The following PKP2 variants were observed in gnomAD, a reference collection of about 807,000 sequenced individuals.
PKP2 encodes the protein plakophilin 2, also known as plakophilin-2.
In PKP2, 73 loss-of-function variants were observed where a neutral mutation model predicts 83.4. The observed-to-expected ratio is 0.88, with a 90% CI of 0.72 to 1.06. The LOEUF (loss-of-function observed/expected upper bound fraction) is 1.06. Among genes scored for constraint, PKP2 ranks in the 50% least tolerant of loss-of-function variants. The probability of loss-of-function intolerance (pLI) is 0.00; values close to 1 mark genes in which losing one functional copy is unlikely to be tolerated. For synonymous variants in PKP2, 409 were observed against 430.4 expected, an observed-to-expected ratio of 0.95 and a Z score of 0.62; for missense variants, 966 against 1,065.4, an observed-to-expected ratio of 0.91 and a Z score of 1.30.
intron 4 of PKP2, among the ~76,000 whole-genome samples, chr12:32,864,042 A>G (rs1262503684): frequency 1.3e-5 from 2 of 152,192 alleles, no homozygotes; most frequent in Non-Finnish European, 2.9e-5. Flanking sequence ...AAAATTAAAA[A>G]CCATAAAAAT....
At chr12:32,836,906 A>C (rs1195710069) in intron 6 of PKP2, among the ~76,000 whole-genome samples, 2 of 152,110 alleles carry the variant, frequency 1.3e-5, no homozygotes, top group Non-Finnish European at 2.9e-5. Flanking sequence ...CTTTTCTTAC[A>C]TTCTGACTCA....
At chr12:32,848,318 G>C (rs921397776) in intron 5 of PKP2, among the ~76,000 whole-genome samples, 1 of 152,134 alleles carries the variant, frequency 6.6e-6, no homozygotes, top group Non-Finnish European at 1.5e-5. Flanking sequence ...CAGCTACTTG[G>C]GAGACTGAGG....
intron 9 of PKP2, among the ~76,000 whole-genome samples, chr12:32,806,590 T>G (rs1956227850): frequency 6.6e-6 from 1 of 152,224 alleles, no homozygotes; most frequent in Non-Finnish European, 1.5e-5. Flanking sequence ...TTGTGTTATT[T>G]GATTCTTCTC....
intron 9 of PKP2, among the ~76,000 whole-genome samples, chr12:32,809,366 C>G (rs73301775): frequency 0.015 from 2,325 of 152,324 alleles, 55 homozygotes; most frequent in African/African-American, 0.053. Context: ...CCCAGACTCT[C>G]TGGAGCTGGC....
intron 10 of PKP2, among the ~76,000 whole-genome samples, chr12:32,797,361 G>A (rs915767608): frequency 6.8e-6 from 1 of 146,620 alleles, no homozygotes; most frequent in Non-Finnish European, 1.5e-5. Context: ...CACAAGAATT[G>A]CTTGAGCTTG....
At chr12:32,857,005 G>T (rs1307038818) in intron 4 of PKP2, among the ~76,000 whole-genome samples, 2 of 152,208 alleles carry the variant, frequency 1.3e-5, no homozygotes, top group Non-Finnish European at 1.5e-5. Context: ...TGTAATTAGG[G>T]TGCTGGGATT....
At chr12:32,862,903 T>C (rs1261274642) in intron 4 of PKP2, among the ~76,000 whole-genome samples, 1 of 149,318 alleles carries the variant, frequency 6.7e-6, no homozygotes, top group Non-Finnish European at 1.5e-5. Flanking sequence ...GGAGGTTGAG[T>C]CAGGAGAATT....
At chr12:32,890,153 G>C (rs530379399) in intron 1 of PKP2, among the ~76,000 whole-genome samples, 75 of 148,014 alleles carry the variant, frequency 5.1e-4, no homozygotes, top group Non-Finnish European at 1.0e-3. Flanking sequence ...AATAATATAT[G>C]TTTACTATCA....
intron 12 of PKP2, 70 bp downstream of exon 12, chr12:32,792,574 G>C: frequency 6.5e-7 from 1 of 1,549,382 alleles, no homozygotes; most frequent in South Asian, 1.1e-5. Flanking sequence ...TTTCTTCCCA[G>C]GGTCAAGTCA....
chr12:32,878,588 T>A (rs776258258), intron 2 of PKP2, 45 bp from the exon 3 acceptor site: 18 of 1,496,760 alleles, frequency 1.2e-5, no homozygotes, highest in Non-Finnish European at 1.7e-5. Flanking sequence ...TAAATCAAAT[T>A]TCAACTTTGC....
At chr12:32,895,320 G>A (rs1050219079) in intron 1 of PKP2, among the ~76,000 whole-genome samples, 33 of 151,966 alleles carry the variant, frequency 2.2e-4, no homozygotes, top group African/African-American at 7.7e-4. Context: ...TGTTAATATT[G>A]ACTACGTCAT....
intron 9 of PKP2, among the ~76,000 whole-genome samples, chr12:32,813,208 C>A (rs1013113768): frequency 2.0e-5 from 3 of 152,018 alleles, no homozygotes; most frequent in Admixed American, 2.0e-4. Context: ...CAAAACAAAA[C>A]CCCCAAACAA....
At chr12:32,846,569 A>C (rs1259787228) in intron 5 of PKP2, among the ~76,000 whole-genome samples, 1 of 151,712 alleles carries the variant, frequency 6.6e-6, no homozygotes, top group African/African-American at 2.4e-5. Flanking sequence ...ACATGGAGAA[A>C]CCTCCATCTC....
Position 32,896,497 on chromosome 12 carries a change from G to A in PKP2, c.223+12C>T, listed in dbSNP as rs754250907. On this transcript the variant is annotated intron_variant, in intron 1 of 12. Coordinates refer to ENST00000340811, the MANE Select transcript of PKP2 (RefSeq NM_001005242.3). ...CAGGGGGCGGCGCCGGGGAGCGGCGGGCTCCACTCACCGTTGCCCACGGAG... is the reference window on the plus strand; with the variant it reads ...CAGGGGGCGGCGCCGGGGAGCGGCGAGCTCCACTCACCGTTGCCCACGGAG... The A allele has an allele frequency of 2.7e-6, 4 of 1,476,156 alleles. No individual in the cohort carries two copies. The highest frequency in any genetic ancestry group is 3.6e-6 in the Non-Finnish European group (4 of 1,111,450). The allele number at this position is 1,476,156 out of a possible 1,614,324, so 91.4% of individuals were successfully genotyped here.
chr12:32,894,138 G>A (rs1451687071), intron 1 of PKP2: 1 of 152,046 alleles, frequency 6.6e-6, no homozygotes, highest in African/African-American at 2.4e-5. Context: ...TGTTGGTCAG[G>A]CTGGTCTCAA....
At chr12:32,880,270 G>T (rs1458049434) in intron 1 of PKP2, among the ~76,000 whole-genome samples, 1 of 151,634 alleles carries the variant, frequency 6.6e-6, no homozygotes, top group Admixed American at 6.6e-5. Flanking sequence ...GGTGGTGGTG[G>T]GCGCCTGTAA....
At chr12:32,824,401 G>A (rs1956413654) in intron 6 of PKP2, 4 of 507,480 alleles carry the variant, frequency 7.9e-6, no homozygotes, top group Middle Eastern at 5.4e-4. Flanking sequence ...TTCACTCCAA[G>A]TACCATGATC....
At position 32,811,130 on chromosome 12, in the gene PKP2, A is replaced by G. The variant is rs192320895; in HGVS notation, c.2014-8574T>C. ...TACCAAATGTTTGTGAAACCAATCAAAAAAGATGTCCCTGGTGCTCCAGGT... is the reference window on the plus strand; with the variant it reads ...TACCAAATGTTTGTGAAACCAATCAGAAAAGATGTCCCTGGTGCTCCAGGT... On this transcript the variant is annotated intron_variant, in intron 9 of 12. Transcript: ENST00000340811. 3.9e-5 allele frequency among the ~76,000 whole-genome samples: 6 copies of G among 152,342 alleles called. No individual in the cohort carries two copies. The East Asian group carries it at 1.2e-3, about 29-fold the overall frequency.
At chr12:32,824,641 C>A (rs1216982349) in intron 6 of PKP2, among the ~76,000 whole-genome samples, 1 of 152,122 alleles carries the variant, frequency 6.6e-6, no homozygotes, top group Non-Finnish European at 1.5e-5. Context: ...TTCTAAATTT[C>A]AGTATAAACT....
Sources: allele counts gnomAD v4.1 joint callset (sites outside exome capture counted in the v4.1 genomes callset), GRCh38; gene constraint gnomAD v4.1.1; transcripts MANE v1.5; gene names NCBI Gene and HGNC (gene_info 2026-07-23, HGNC 2026-07-21).